HERC4: variants seen among roughly 807,000 people sequenced by gnomAD.
HERC4 encodes the protein HECT and RLD domain containing E3 ubiquitin protein ligase 4.
HERC4 carries 28 observed loss-of-function variants against 124.3 expected under a neutral mutation model. The observed-to-expected ratio is 0.23, with a 90% CI of 0.17 to 0.31. HERC4 has a LOEUF of 0.31. HERC4 is among the 10% of genes least tolerant of loss of function. The pLI is 1.00. For missense variants in HERC4, 713 were observed against 1,229.3 expected (o/e 0.58, Z 6.28); for synonymous variants, 407 against 421.5 (o/e 0.97, Z 0.42).
chr10:68,019,734 G>A (rs1318273696), intron 8 of HERC4, among the ~76,000 whole-genome samples: 2 of 152,164 alleles, frequency 1.3e-5, no homozygotes, highest in Non-Finnish European at 2.9e-5. Flanking sequence ...CCTTACTCCT[G>A]TGTAATGCAG....
chr10:68,026,215 C>T (rs1284293229), intron 7 of HERC4, among the ~76,000 whole-genome samples: 1 of 152,142 alleles, frequency 6.6e-6, no homozygotes, highest in African/African-American at 2.4e-5. Flanking sequence ...CCCACCTCAG[C>T]CTCCTAAGTA....
In HERC4 at chr10:67,966,723, TTTC is replaced by T; in HGVS notation, c.1883_1885del (p.Arg628del). On this transcript the variant is annotated inframe_deletion, in exon 16 of 25. Transcript: ENST00000373700. ...CTGTTGGACCCAGTTGATATAATCA[TTTC>T]TTATGTCTATCAATTCTTGTACTTC... 3 of 1,608,570 alleles carry T rather than the reference TTTC, an allele frequency of 1.9e-6. No individual in the cohort carries two copies. Among genetic ancestry groups the T allele is most frequent in the Non-Finnish European group, 2.5e-6 (3 of 1,176,944 alleles).
At chr10:67,944,329 T>A (rs750255738) in intron 19 of HERC4, among the ~76,000 whole-genome samples, 3 of 152,212 alleles carry the variant, frequency 2.0e-5, no homozygotes, top group African/African-American at 2.4e-5. Flanking sequence ...TTCCAAATCT[T>A]ATCCAAGACC....
chr10:67,963,305 C>T (rs772977435), intron 16 of HERC4, among the ~76,000 whole-genome samples: 54 of 152,254 alleles, frequency 3.5e-4, no homozygotes, highest in Non-Finnish European at 6.5e-4. Context: ...CAACCTCCAC[C>T]TCCCGGGTTC....
intron 8 of HERC4, 90 bp from the exon 9 acceptor site, chr10:68,014,276 T>C (rs2038134345): frequency 2.3e-5 from 28 of 1,208,842 alleles, no homozygotes; most frequent in Non-Finnish European, 3.0e-5. Flanking sequence ...AAAGAGGTAA[T>C]TTTTCTTTTC....
In HERC4 at chr10:67,969,535, A is replaced by G. The variant is rs558087573; in HGVS notation, c.1807-2733T>C. Among the ~76,000 whole-genome samples the G allele has an allele frequency of 1.4e-4, 22 of 152,300 alleles. No individual in the cohort carries two copies. The East Asian group carries it at 4.2e-3, about 29-fold the overall frequency. On this transcript the variant is annotated intron_variant, in intron 15 of 24. Transcript: ENST00000373700. The stretch of plus-strand genomic sequence containing the variant: ...TCAATGGTACAAGGAATTAGCTGCC[A>G]CATGAGAAAGGAACAAAGGCCCGTC...
At chr10:67,967,105 T>C (rs1042527283) in intron 15 of HERC4, among the ~76,000 whole-genome samples, 1 of 152,184 alleles carries the variant, frequency 6.6e-6, no homozygotes, top group African/African-American at 2.4e-5. Flanking sequence ...CTGTCCACCT[T>C]GGCCTCCCAA....
At chr10:67,987,999 T>C (rs1035208057) in intron 15 of HERC4, 4 of 152,092 alleles carry the variant, frequency 2.6e-5, no homozygotes, top group African/African-American at 9.7e-5. Context: ...CTCATCTAAA[T>C]AGCAACTTGA....
At chr10:68,057,388 G>T (rs2040601475) in intron 3 of HERC4, among the ~76,000 whole-genome samples, 2 of 152,098 alleles carry the variant, frequency 1.3e-5, no homozygotes, top group African/African-American at 2.4e-5. Context: ...CACTTTGGGA[G>T]GCCAAAGCGG....
chr10:67,965,061 C>G (rs543674076), intron 16 of HERC4: 1 of 152,442 alleles, frequency 6.6e-6, no homozygotes, highest in South Asian at 2.1e-4. Context: ...CGTGAGCCAC[C>G]ACACCTGGCC....
intron 15 of HERC4, among the ~76,000 whole-genome samples, chr10:67,978,895 C>T (rs2035759893): frequency 6.6e-6 from 1 of 152,156 alleles, no homozygotes; most frequent in South Asian, 2.1e-4. Flanking sequence ...TATGAGTCTG[C>T]CAGAACCACA....
rs368585556 is a variant in HERC4 at position 68,023,182 on chromosome 10, C to T, written c.908+2364G>A. ...ATTGCCATATGAACCACCAATTCCA[C>T]TTCTGGGTATATGCCCAAAAGAACT... On this transcript the variant is annotated intron_variant, in intron 8 of 24. Transcript: ENST00000373700. 3.6e-4 allele frequency among the ~76,000 whole-genome samples: 55 copies of T among 152,230 alleles called. 3 individuals are homozygous for T. The East Asian group carries it at 0.01, about 29-fold the overall frequency.
rs1589251700 is a variant in HERC4 at position 67,985,608 on chromosome 10, G to C, written c.1806+3055C>G. On this transcript the variant is annotated intron_variant, in intron 15 of 24. Transcript: ENST00000373700. Reference sequence around the variant, plus strand: ...ATCAGCACAAATATGTAGCGACTAGGCTAGACAGACCAAGTAAGGCTTCTC... The same window carrying C: ...ATCAGCACAAATATGTAGCGACTAGCCTAGACAGACCAAGTAAGGCTTCTC... Among the ~76,000 whole-genome samples, 5 of 152,260 alleles carry C rather than the reference G, an allele frequency of 3.3e-5. No individual in the cohort carries two copies. In the South Asian group the frequency reaches 1.0e-3, roughly 32 times the overall value.
At chr10:67,958,454 T>C (rs1228342860) in intron 16 of HERC4, among the ~76,000 whole-genome samples, 1 of 152,218 alleles carries the variant, frequency 6.6e-6, no homozygotes, top group Non-Finnish European at 1.5e-5. Context: ...ATTAGAGCTA[T>C]AATTTAAAGC....
At chr10:67,928,410 C>T (rs2031393648) in intron 23 of HERC4, among the ~76,000 whole-genome samples, 1 of 152,180 alleles carries the variant, frequency 6.6e-6, no homozygotes, top group South Asian at 2.1e-4. Flanking sequence ...CACCTGGCTA[C>T]CAGCTGTGTA....
At chr10:67,983,692 CAGG>C (rs1412850925) in intron 15 of HERC4, among the ~76,000 whole-genome samples, 1 of 148,452 alleles carries the variant, frequency 6.7e-6, no homozygotes, top group Non-Finnish European at 1.5e-5. Flanking sequence ...GAGGCTGAGG[CAGG>C]AGAACAGCAT....
intron 15 of HERC4, among the ~76,000 whole-genome samples, chr10:67,975,678 ACTGTCCAATTTGC>A (rs1310130002): frequency 2.6e-5 from 4 of 152,178 alleles, no homozygotes; most frequent in Admixed American, 6.5e-5. Context: ...TCACTATATG[ACTGTCCAATTTGC>A]TTGATCTTGT....
intron 3 of HERC4, among the ~76,000 whole-genome samples, chr10:68,059,378 A>T (rs1157401412): frequency 6.8e-6 from 1 of 146,448 alleles, no homozygotes; most frequent in Non-Finnish European, 1.5e-5. Context: ...AGTCTTCATC[A>T]TATAGGTCTT....
intron 16 of HERC4, chr10:67,965,693 A>G (rs16925007): frequency 0.079 from 12,053 of 152,280 alleles, 1,264 homozygotes; most frequent in African/African-American, 0.24. Context: ...GTGCTGGTTG[A>G]CTGACAAGAG....
Sources: allele counts gnomAD v4.1 joint callset (sites outside exome capture counted in the v4.1 genomes callset), GRCh38; gene constraint gnomAD v4.1.1; transcripts MANE v1.5; gene names NCBI Gene and HGNC (gene_info 2026-07-23, HGNC 2026-07-21).